Variants in MGST2 observed in about 807,000 individuals in gnomAD.
MGST2 encodes the protein microsomal glutathione S-transferase 2.
In MGST2, 9 loss-of-function variants were observed where a neutral mutation model predicts 16.6. The ratio of observed to expected loss-of-function variants is 0.54; its 90% CI spans 0.33 to 0.95. The LOEUF is 0.95. Among genes scored for constraint, MGST2 ranks in the 40% least tolerant of loss-of-function variants. The probability of loss-of-function intolerance (pLI) is 0.03; values close to 1 mark genes in which losing one functional copy is unlikely to be tolerated. For missense variants in MGST2, 159 were observed against 175.1 expected, an observed-to-expected ratio of 0.91 and a Z score of 0.52; for synonymous variants, 79 against 68.0, an observed-to-expected ratio of 1.16 and a Z score of -0.79.
intron 5 of MGST2, among the ~76,000 whole-genome samples, chr4:139,728,528 T>C (rs1267256825): frequency 6.6e-6 from 1 of 152,208 alleles, no homozygotes; most frequent in African/African-American, 2.4e-5. Context: ...GGGAAGTTAG[T>C]GGTTTTTCCA....
chr4:139,742,689 C>G (rs956753705), downstream of MGST2, among the ~76,000 whole-genome samples: 6 of 152,146 alleles, frequency 3.9e-5, no homozygotes, highest in African/African-American at 1.4e-4. Context: ...ACCACTTTTG[C>G]TTAGGATAAA....
intron 5 of MGST2, among the ~76,000 whole-genome samples, chr4:139,728,014 G>A (rs1037191723): frequency 2.8e-4 from 43 of 152,122 alleles, no homozygotes; most frequent in Non-Finnish European, 4.7e-4. Context: ...CCAGGAGTTC[G>A]AGACCAGCCT....
intron 5 of MGST2, among the ~76,000 whole-genome samples, chr4:139,736,195 C>T (rs1728939063): frequency 6.6e-6 from 1 of 152,130 alleles, no homozygotes; most frequent in African/African-American, 2.4e-5. Context: ...AATCTTTAGC[C>T]CAACTGGGAT....
intron 5 of MGST2, among the ~76,000 whole-genome samples, chr4:139,736,222 A>G (rs1167355735): frequency 1.3e-5 from 2 of 152,220 alleles, no homozygotes; most frequent in Non-Finnish European, 2.9e-5. Context: ...GAAATTGTAT[A>G]TATCAAAAGA....
At chr4:139,708,490 G>A (rs1202754197), downstream of MGST2, among the ~76,000 whole-genome samples, 2 of 152,156 alleles carry the variant, frequency 1.3e-5, no homozygotes, top group Non-Finnish European at 2.9e-5. Context: ...TTGAAGTCAG[G>A]TATCGTGATG....
At chr4:139,702,448 AT>A (rs1727299427) in intron 3 of MGST2, among the ~76,000 whole-genome samples, 1 of 152,132 alleles carries the variant, frequency 6.6e-6, no homozygotes, top group African/African-American at 2.4e-5. Flanking sequence ...AGCCTGTATA[AT>A]GCTTCATTCA....
intron 5 of MGST2, among the ~76,000 whole-genome samples, chr4:139,739,679 G>GTTTCTTTTT (rs200037455): frequency 2.3e-5 from 3 of 132,354 alleles, no homozygotes; most frequent in Non-Finnish European, 4.7e-5. Context: ...GAGGAAAGCA[G>GTTTCTTTTT]TTTTTTTTTT....
intron 1 of MGST2, among the ~76,000 whole-genome samples, chr4:139,677,577 C>T (rs2110816513): frequency 6.6e-6 from 1 of 151,896 alleles, no homozygotes; most frequent in African/African-American, 2.4e-5. Flanking sequence ...TCTCGGCTCA[C>T]TGCAACCTCT....
At chr4:139,691,676 G>GATTATT (rs1560747720) in intron 2 of MGST2, among the ~76,000 whole-genome samples, 1 of 135,118 alleles carries the variant, frequency 7.4e-6, no homozygotes, top group African/African-American at 3.2e-5. Context: ...AGATGATGAT[G>GATTATT]ATGATGATGA....
At chr4:139,703,938 G>A (rs929619805) in intron 4 of MGST2, 78 bp from the exon 5 acceptor site, 1 of 1,578,578 alleles carries the variant, frequency 6.3e-7, no homozygotes, top group African/African-American at 1.3e-5. Flanking sequence ...GTTAACGATA[G>A]GACAGCCTAC....
At position 139,735,021 on chromosome 4, in the gene MGST2, C is replaced by G. The variant is rs1453575669; in HGVS notation, c.*49-5191C>G. ...CCTCGTGCCCGGCCGCCGCTGCGCC[C>G]GCGCCCCCTCCCCTCGCAGATGGCT... On this transcript the variant is annotated intron_variant, in intron 5 of 5. Coordinates refer to the MGST2 transcript ENST00000616265. This position sits in a 1 kb window ranked among gnomAD's most constrained non-coding sequence, Gnocchi z 5.8. 1.3e-5 allele frequency among the ~76,000 whole-genome samples: 2 copies of G among 152,176 alleles called. No homozygotes were observed. Among genetic ancestry groups the G allele is most frequent in the Non-Finnish European group, 2.9e-5 (2 of 68,018 alleles).
At chr4:139,703,314 A>G (rs1410505800) in intron 3 of MGST2, 141 bp from the exon 4 acceptor site, 1 of 728,844 alleles carries the variant, frequency 1.4e-6, no homozygotes, top group East Asian at 2.7e-5. Flanking sequence ...TTTCCTTCCT[A>G]TGTGGATTCT....
intron 5 of MGST2, chr4:139,730,312 A>G: frequency 1.0e-6 from 1 of 996,280 alleles, no homozygotes; most frequent in Non-Finnish European, 1.5e-6. Flanking sequence ...GACCGTGAGC[A>G]TCTTGATGGA....
the MGST2 span, among the ~76,000 whole-genome samples, chr4:139,751,312 G>A: frequency 6.6e-6 from 1 of 152,180 alleles, no homozygotes; most frequent in Non-Finnish European, 1.5e-5. Context: ...GAAGTATTAC[G>A]AATTTCTTGG....
chr4:139,727,390 C>T (rs991067384), intron 5 of MGST2, among the ~76,000 whole-genome samples: 1 of 152,214 alleles, frequency 6.6e-6, no homozygotes, highest in Non-Finnish European at 1.5e-5. Flanking sequence ...AGTCAAACTT[C>T]CCATATAATA....
At chr4:139,670,282 T>C (rs1435176338) in intron 1 of MGST2, among the ~76,000 whole-genome samples, 1 of 149,706 alleles carries the variant, frequency 6.7e-6, no homozygotes, top group Non-Finnish European at 1.5e-5. Context: ...TTAACAGAAA[T>C]ACCAAACTCT....
At chr4:139,751,273 G>A in the MGST2 span, among the ~76,000 whole-genome samples, 1 of 152,180 alleles carries the variant, frequency 6.6e-6, no homozygotes, top group African/African-American at 2.4e-5. Context: ...TTCAGGTTGA[G>A]TATCCCTTAT....
intron 2 of MGST2, among the ~76,000 whole-genome samples, chr4:139,681,847 G>C (rs372043695): frequency 2.6e-5 from 4 of 152,100 alleles, no homozygotes; most frequent in African/African-American, 9.7e-5. Context: ...TGCCCTCTTG[G>C]AGTTTGCTGA....
intron 5 of MGST2, among the ~76,000 whole-genome samples, chr4:139,711,688 A>G (rs1205913046): frequency 1.3e-5 from 2 of 152,112 alleles, no homozygotes; most frequent in African/African-American, 2.4e-5. Flanking sequence ...GTGCTGACCT[A>G]TCTCATCCTG....
Sources: allele counts gnomAD v4.1 joint callset (sites outside exome capture counted in the v4.1 genomes callset), GRCh38; gene constraint gnomAD v4.1.1; non-coding constraint Gnocchi (gnomAD v3.1); transcripts MANE v1.5; gene names NCBI Gene and HGNC (gene_info 2026-07-23, HGNC 2026-07-21).